The following DHDH variants were observed in gnomAD, a reference collection of about 807,000 sequenced individuals.
DHDH encodes the protein dihydrodiol dehydrogenase.
DHDH carries 29 observed loss-of-function variants against 33.2 expected under a neutral mutation model. The ratio of observed to expected loss-of-function variants is 0.87; its 90% CI spans 0.65 to 1.19. The LOEUF (loss-of-function observed/expected upper bound fraction) is 1.19, where lower values mean the gene tolerates loss of function less well. DHDH is among the 50% of genes most tolerant of loss of function. The pLI is 0.00. For synonymous variants in DHDH, 201 were observed against 187.9 expected (o/e 1.07, Z -0.57); for missense variants, 431 against 455.0 (o/e 0.95, Z 0.48).
At chr19:48,933,869 T>C (rs2037737650) in intron 1 of DHDH, 58 bp downstream of exon 1, 1 of 1,530,360 alleles carries the variant, frequency 6.5e-7, no homozygotes, top group Admixed American at 1.8e-5. Context: ...CTCCAGAGTC[T>C]AAAGGAGGAG....
chr19:48,944,581 C>A, intron 6 of DHDH, 74 bp downstream of exon 6: 2 of 1,533,846 alleles, frequency 1.3e-6, no homozygotes, highest in Admixed American at 2.0e-5. Context: ...TGCTCTGTCA[C>A]CCTGCTGTTT....
chr19:48,935,583 C>T (rs896577600), intron 2 of DHDH, among the ~76,000 whole-genome samples: 1 of 151,054 alleles, frequency 6.6e-6, no homozygotes, highest in Non-Finnish European at 1.5e-5. Flanking sequence ...TTTGGGAGGC[C>T]AAGGCGGGCA....
rs757063179 is a variant in DHDH at position 48,936,047 on chromosome 19, G to A, written c.218G>A (p.Gly73Asp). Residue 73 changes from glycine to aspartate, a missense_variant, in exon 3 of 7, where the codon GGC becomes GAC. Physicochemically the swap from Gly to Asp is moderately conservative, Grantham distance 94 (BLOSUM62 -1). Coordinates refer to ENST00000221403, the MANE Select transcript of DHDH (RefSeq NM_014475.4). ...CCCACCCTAGAGGTGGCCTACATTGGCACCCAGCACCCCCAGCACAAGGCG... is the reference window on the plus strand; with the variant it reads ...CCCACCCTAGAGGTGGCCTACATTGACACCCAGCACCCCCAGCACAAGGCG... ...KDPSVEVAYI[G>D]TQHPQHKAAV... The A allele has an allele frequency of 2.3e-5, 37 of 1,603,698 alleles. No individual in the cohort carries two copies. Among genetic ancestry groups the A allele is most frequent in the Non-Finnish European group, 2.9e-5 (34 of 1,176,220 alleles).
chr19:48,936,076 G>T lies in DHDH; in HGVS notation c.247G>T (p.Val83Leu), dbSNP rs1444566416. The change falls in exon 3 of 7, where the codon GTG (valine) becomes TTG (leucine). Residue 83 changes from valine to leucine, a missense_variant. Physicochemically the swap from Val to Leu is conservative, Grantham distance 32. Transcript: ENST00000221403. Reference protein sequence around the residue: ...GTQHPQHKAAVMLCLAAGKAV... With the variant: ...GTQHPQHKAALMLCLAAGKAV... ...CCAGCACCCCCAGCACAAGGCGGCG[G>T]TGATGCTGTGCTTGGCGGCGGGCAA... 3.1e-6 allele frequency: 5 copies of T among 1,610,454 alleles called. No individual in the cohort carries two copies. The African/African-American group carries it at 4.0e-5, about 13-fold the overall frequency.
At chr19:48,937,810 TTAAAAAA>T (rs1443129038) in intron 3 of DHDH, among the ~76,000 whole-genome samples, 1 of 108,318 alleles carries the variant, frequency 9.2e-6, no homozygotes, top group Non-Finnish European at 1.6e-5. Context: ...GAGACTGTCT[TTAAAAAA>T]AAAAAAAAAA....
At chr19:48,937,074 G>A (rs1009071397) in intron 3 of DHDH, among the ~76,000 whole-genome samples, 3 of 151,842 alleles carry the variant, frequency 2.0e-5, no homozygotes, top group Admixed American at 6.6e-5. Flanking sequence ...GTGAGCCACC[G>A]CGCCCGGCCC....
upstream of DHDH, among the ~76,000 whole-genome samples, chr19:48,932,795 C>A (rs377191553): frequency 1.3e-5 from 2 of 151,920 alleles, no homozygotes; most frequent in Non-Finnish European, 2.9e-5. Flanking sequence ...GGCGACAGAG[C>A]GAGACCCTAT....
intron 3 of DHDH, 129 bp downstream of exon 3, chr19:48,936,324 C>G: frequency 7.9e-7 from 1 of 1,262,246 alleles, no homozygotes; most frequent in Non-Finnish European, 1.0e-6. Flanking sequence ...CATCTATTAC[C>G]GTGAAAGCCA....
chr19:48,934,745 C>T lies in DHDH; in HGVS notation c.91-255C>T, dbSNP rs139969603. 4.4e-3 allele frequency among the ~76,000 whole-genome samples: 668 copies of T among 151,840 alleles called. 6 individuals are homozygous for T. The highest frequency in any genetic ancestry group is 0.016 in the African/African-American group (641 of 41,250). On this transcript the variant is annotated intron_variant, in intron 1 of 6. Coordinates refer to ENST00000221403, the MANE Select transcript of DHDH (RefSeq NM_014475.4). Reference sequence around the variant, plus strand: ...ATCTGATCTCTCTTTCTTTTCCCCACACAAACCTGAGTGTCTTGAGGTTTG... The same window carrying T: ...ATCTGATCTCTCTTTCTTTTCCCCATACAAACCTGAGTGTCTTGAGGTTTG...
rs867137436 is a variant in DHDH, at chr19:48,942,327, C to T, written c.620-113C>T. ...CCAGCACTTCATTCTTTTGCCTTGC[C>T]ATGCAAGAAGTGAAGTCTCTTGCCC... On this transcript the variant is annotated intron_variant, in intron 4 of 6. Transcript: ENST00000221403. 5.7e-5 allele frequency: 68 copies of T among 1,197,976 alleles called. No individual in the cohort carries two copies. The Middle Eastern group carries it at 1.2e-3, about 21-fold the overall frequency. The allele number at this position is 1,197,976 out of a possible 1,614,324, so 74.2% of individuals were successfully genotyped here. A position where few individuals can be genotyped will look rare whatever the true frequency, so the allele number is the denominator to read the frequency against.
rs764318339 is a variant in DHDH at position 48,933,766 on chromosome 19, C to T, written c.45C>T (p.Ser15=). The change falls in exon 1 of 7, where the codon AGC becomes AGT. Residue 15 remains serine, a synonymous_variant. Transcript: ENST00000221403. ...WGIVSVGLIS[S]DFTAVLQTLP... is the part of the protein sequence containing the mutation. ...TCGTGTCTGTCGGCCTCATCTCCAG[C>T]GACTTCACAGCCGTGCTGCAGACGC... 6.2e-7 allele frequency: 1 copy of T among 1,613,030 alleles called. No individual in the cohort carries two copies. The highest frequency in any genetic ancestry group is 1.3e-5 in the African/African-American group (1 of 75,064).
intron 3 of DHDH, among the ~76,000 whole-genome samples, chr19:48,937,204 A>C (rs1325299912): frequency 1.3e-5 from 2 of 152,116 alleles, no homozygotes; most frequent in Non-Finnish European, 2.9e-5. Context: ...CCAGTAGCCT[A>C]CTGCCACAAC....
At chr19:48,938,245 C>T (rs1045888330) in intron 3 of DHDH, among the ~76,000 whole-genome samples, 5 of 151,942 alleles carry the variant, frequency 3.3e-5, no homozygotes, top group Non-Finnish European at 5.9e-5. Flanking sequence ...TACAGGCATG[C>T]ACCACCACGC....
At chr19:48,933,674 A>C (rs1281831913), upstream of DHDH, 1 of 1,591,464 alleles carries the variant, frequency 6.3e-7, no homozygotes, top group Non-Finnish European at 8.6e-7. Flanking sequence ...CAGGTACTTA[A>C]TTCGCGCCTG....
At chr19:48,937,971 C>T (rs1282231648) in intron 3 of DHDH, among the ~76,000 whole-genome samples, 4 of 152,152 alleles carry the variant, frequency 2.6e-5, no homozygotes, top group East Asian at 1.9e-4. Context: ...GTCACCGTCC[C>T]GGCTGTCCTG....
chr19:48,933,585 C>A, upstream of DHDH: 1 of 752,402 alleles, frequency 1.3e-6, no homozygotes. Flanking sequence ...GACCGCTCTG[C>A]CGACTGGAGC....
Position 48,936,054 on chromosome 19 carries a change from G to A in DHDH, c.225G>A (p.Gln75=). Residue 75 remains glutamine, a synonymous_variant, in exon 3 of 7, where the codon CAG becomes CAA. Transcript: ENST00000221403. The part of the protein sequence containing the change: ...PSVEVAYIGT[Q]HPQHKAAVML... ...TAGAGGTGGCCTACATTGGCACCCA[G>A]CACCCCCAGCACAAGGCGGCGGTGA... The A allele has an allele frequency of 1.9e-6, 3 of 1,606,032 alleles. No homozygotes were observed. Among genetic ancestry groups the A allele is most frequent in the Non-Finnish European group, 1.7e-6 (2 of 1,177,172 alleles).
At chr19:48,935,142 CG>C in intron 2 of DHDH, 31 bp downstream of exon 2, 1 of 1,509,194 alleles carries the variant, frequency 6.6e-7, no homozygotes. Context: ...GGGTGCTGGC[CG>C]CCGCCCCTGG....
intron 4 of DHDH, 51 bp downstream of exon 4, chr19:48,939,752 C>T (rs776007757): frequency 6.5e-7 from 1 of 1,532,692 alleles, no homozygotes; most frequent in Admixed American, 1.9e-5. Context: ...TTCTGTCTCT[C>T]TGGGAGCACT....
Sources: allele counts gnomAD v4.1 joint callset (sites outside exome capture counted in the v4.1 genomes callset), GRCh38; gene constraint gnomAD v4.1.1; transcripts MANE v1.5; gene names NCBI Gene and HGNC (gene_info 2026-07-23, HGNC 2026-07-21).